Variants in UBXN7 observed in about 807,000 individuals in gnomAD.
UBXN7 encodes UBX domain protein 7.
UBXN7 carries 9 observed loss-of-function variants against 58.0 expected under a neutral mutation model. The observed-to-expected ratio is 0.16, with a 90% CI of 0.09 to 0.27. The LOEUF (loss-of-function observed/expected upper bound fraction) is 0.27. UBXN7 is among the 10% of genes least tolerant of loss of function. The probability of loss-of-function intolerance (pLI) is 1.00; values close to 1 mark genes in which losing one functional copy is unlikely to be tolerated. For missense variants in UBXN7, 328 were observed against 599.6 expected (o/e 0.55, Z 4.73); for synonymous variants, 208 against 205.0 (o/e 1.01, Z -0.12).
intron 7 of UBXN7, among the ~76,000 whole-genome samples, chr3:196,368,737 A>C (rs1438354725): frequency 4.6e-5 from 7 of 152,226 alleles, no homozygotes; most frequent in African/African-American, 1.7e-4. Flanking sequence ...ATCAATTAAT[A>C]AAACCAGCTC....
intron 5 of UBXN7, among the ~76,000 whole-genome samples, chr3:196,376,575 A>G (rs935663686): frequency 3.3e-5 from 5 of 150,670 alleles, no homozygotes; most frequent in African/African-American, 1.2e-4. Context: ...AAAAGAAAAG[A>G]AAAGAAAAAG....
At chr3:196,376,179 T>G (rs137899853) in intron 5 of UBXN7, among the ~76,000 whole-genome samples, 1 of 152,312 alleles carries the variant, frequency 6.6e-6, no homozygotes, top group African/African-American at 2.4e-5. Flanking sequence ...CCTTGTTCAT[T>G]TTCTAAATTT....
At chr3:196,428,365 A>G (rs191740725) in intron 1 of UBXN7, among the ~76,000 whole-genome samples, 1 of 151,878 alleles carries the variant, frequency 6.6e-6, no homozygotes, top group Admixed American at 6.6e-5. Context: ...GAGGCAGGAG[A>G]ATCACTTGAG....
intron 1 of UBXN7, among the ~76,000 whole-genome samples, chr3:196,412,525 T>G (rs1201280216): frequency 6.6e-6 from 1 of 152,086 alleles, no homozygotes; most frequent in Non-Finnish European, 1.5e-5. Flanking sequence ...ACTATGGAGA[T>G]TCCTCAAAAA....
At chr3:196,381,096 G>C (rs1233706174) in intron 5 of UBXN7, among the ~76,000 whole-genome samples, 1 of 152,204 alleles carries the variant, frequency 6.6e-6, no homozygotes, top group Non-Finnish European at 1.5e-5. Context: ...AGACTTAAAC[G>C]TCCCTGTCTA....
At chr3:196,407,016 A>G (rs377592224) in intron 2 of UBXN7, among the ~76,000 whole-genome samples, 5 of 151,790 alleles carry the variant, frequency 3.3e-5, no homozygotes, top group African/African-American at 1.2e-4. Flanking sequence ...AACCAACCCC[A>G]TCTCCCCGAC....
chr3:196,386,441 T>A, intron 5 of UBXN7, among the ~76,000 whole-genome samples: 1 of 143,966 alleles, frequency 6.9e-6, no homozygotes, highest in South Asian at 2.2e-4. Context: ...TGTTTGCAGA[T>A]GACATGATTG....
At chr3:196,429,965 C>G (rs940896935) in intron 1 of UBXN7, among the ~76,000 whole-genome samples, 1 of 152,046 alleles carries the variant, frequency 6.6e-6, no homozygotes, top group African/African-American at 2.4e-5. Flanking sequence ...TTGTGTGTAC[C>G]TAATAAAAAT....
At chr3:196,432,179 C>T in intron 1 of UBXN7, 148 bp downstream of exon 1, 1 of 1,119,394 alleles carries the variant, frequency 8.9e-7, no homozygotes, top group Non-Finnish European at 1.3e-6. Context: ...GAGACCCCGA[C>T]GCCGTCGTCG....
intron 1 of UBXN7, among the ~76,000 whole-genome samples, chr3:196,413,069 C>T (rs1039187212): frequency 4.6e-5 from 7 of 152,198 alleles, no homozygotes; most frequent in Admixed American, 6.6e-5. Flanking sequence ...GGGCCAAGCA[C>T]GGTGGCTCAT....
chr3:196,363,085 A>T (rs114605802), intron 8 of UBXN7, among the ~76,000 whole-genome samples: 11,852 of 150,914 alleles, frequency 0.079, 530 homozygotes, highest in Middle Eastern at 0.16. Context: ...TTATTTATTT[A>T]TTTTTTTGTA....
At position 196,415,153 on chromosome 3, in the gene UBXN7, CT is replaced by C. The variant is rs869101939; in HGVS notation, c.74-7761del. On this transcript the variant is annotated intron_variant, in intron 1 of 10. Coordinates refer to ENST00000296328, the MANE Select transcript of UBXN7 (RefSeq NM_015562.2). ...TACATTGTGTTGTATTATCATACTT[CT>C]TTTTTTTTTTTTTTTTTGAGACAGA... is the stretch of plus-strand genomic sequence containing the variant. Among the ~76,000 whole-genome samples, 1,055 of 130,372 alleles carry C rather than the reference CT, an allele frequency of 8.1e-3. 4 individuals carry two copies. The highest frequency in any genetic ancestry group is 0.014 in the African/African-American group (489 of 35,700). The allele number at this position is 130,372 out of a possible 152,430, so 85.5% of individuals were successfully genotyped here.
chr3:196,428,665 G>C (rs1437498543), intron 1 of UBXN7, among the ~76,000 whole-genome samples: 1 of 151,664 alleles, frequency 6.6e-6, no homozygotes, highest in Non-Finnish European at 1.5e-5. Context: ...GGCCAAGGTG[G>C]GTGGATTGCT....
At chr3:196,431,863 G>A (rs1376031088) in intron 1 of UBXN7, 1 of 371,814 alleles carries the variant, frequency 2.7e-6, no homozygotes, top group South Asian at 1.9e-5. Context: ...AAGGGGAAGG[G>A]CAGGCCGGGG....
At chr3:196,405,348 C>T (rs1431441608) in intron 2 of UBXN7, among the ~76,000 whole-genome samples, 2 of 150,936 alleles carry the variant, frequency 1.3e-5, no homozygotes, top group Non-Finnish European at 3.0e-5. Flanking sequence ...AGTGTACCAG[C>T]AGTCCCAGCT....
At chr3:196,386,380 T>TAAAAAA (rs34268326) in intron 5 of UBXN7, among the ~76,000 whole-genome samples, 140 of 57,688 alleles carry the variant, frequency 2.4e-3, no homozygotes, top group Non-Finnish European at 2.8e-3. Context: ...TAATAAACAC[T>TAAAAAA]AAAAAAAAAA....
At chr3:196,361,953 AAC>A (rs1491462334) in intron 9 of UBXN7, 30 bp from the exon 10 acceptor site, 2 of 1,562,476 alleles carry the variant, frequency 1.3e-6, no homozygotes, top group Admixed American at 1.7e-5. Flanking sequence ...AAAAAAAAAA[AAC>A]GGGATACAGG....
intron 1 of UBXN7, among the ~76,000 whole-genome samples, chr3:196,417,302 A>G (rs1281748513): frequency 4.6e-5 from 7 of 152,132 alleles, no homozygotes; most frequent in Non-Finnish European, 1.0e-4. Flanking sequence ...ACAGAGCGAG[A>G]CTCCATCTCG....
At chr3:196,425,009 T>G (rs1420027829) in intron 1 of UBXN7, among the ~76,000 whole-genome samples, 2 of 152,120 alleles carry the variant, frequency 1.3e-5, no homozygotes, top group African/African-American at 4.8e-5. Flanking sequence ...GCCCCATTTT[T>G]ATAACTTTAA....
Sources: gnomAD v4.1 joint callset for allele counts (sites outside exome capture counted in the v4.1 genomes callset) on GRCh38, gnomAD v4.1.1 for gene constraint, MANE v1.5 for transcripts, NCBI Gene and HGNC (gene_info 2026-07-23, HGNC 2026-07-21) for gene names.